The following TYMS variants were observed in gnomAD, a reference collection of about 807,000 sequenced individuals.
TYMS encodes the protein thymidylate synthetase.
A neutral mutation model predicts 39.3 loss-of-function variants in TYMS; 21 were observed. The ratio of observed to expected loss-of-function variants is 0.54; its 90% CI spans 0.38 to 0.77. The LOEUF is 0.77. Ranked by LOEUF, TYMS falls within the 30% of genes least tolerant of loss-of-function variation. The pLI is 0.00. For missense variants in TYMS, 273 were observed against 406.7 expected, an observed-to-expected ratio of 0.67 and a Z score of 2.83; for synonymous variants, 171 against 162.2, an observed-to-expected ratio of 1.05 and a Z score of -0.41.
intron 4 of TYMS, 82 bp from the exon 5 acceptor site, chr18:670,610 G>T: frequency 2.0e-6 from 3 of 1,505,572 alleles, no homozygotes; most frequent in Non-Finnish European, 2.7e-6. Context: ...GTTGGCTTCT[G>T]TTTCTCTCCT....
intron 3 of TYMS, among the ~76,000 whole-genome samples, chr18:667,221 TGATGGTGATGGA>T (rs1567990192): frequency 1.9e-4 from 7 of 37,056 alleles, no homozygotes; most frequent in Non-Finnish European, 3.1e-4. Flanking sequence ...ATGGAGATGG[TGATGGTGATGGA>T]GATGGAGATG....
At chr18:670,155 A>G (rs1028651129) in intron 4 of TYMS, among the ~76,000 whole-genome samples, 4 of 149,698 alleles carry the variant, frequency 2.7e-5, no homozygotes, top group African/African-American at 9.9e-5. Flanking sequence ...GTGAGTTCCC[A>G]TTCCTCAGCC....
At chr18:670,042 C>CTTT (rs1357951783) in intron 4 of TYMS, among the ~76,000 whole-genome samples, 1 of 128,582 alleles carries the variant, frequency 7.8e-6, no homozygotes. Flanking sequence ...GTAATAGAGA[C>CTTT]TTATTTTTTT....
In TYMS at chr18:669,366, ATTTTTTTTTT is replaced by A. The variant is rs68090938; in HGVS notation, c.556+208_556+217del. 746 of 192,190 alleles carry A rather than the reference ATTTTTTTTTT, an allele frequency of 3.9e-3. No homozygotes were observed. The East Asian group carries it at 0.041, about 10-fold the overall frequency. The allele number at this position is 192,190 out of a possible 1,614,324, so 11.9% of individuals were successfully genotyped here. On this transcript the variant is annotated intron_variant, in intron 4 of 6. Coordinates refer to ENST00000323274, the MANE Select transcript of TYMS (RefSeq NM_001071.4). ...CAGATCATGAGGTTGGGCCCAGAGG[ATTTTTTTTTT>A]TTTTTTTTTTTTTTGAGACAGAGTT...
chr18:658,168 A>G lies in TYMS; in HGVS notation c.205+221A>G, dbSNP rs1298621966. ...AACACACACAGCAGCGACAGCCGGG[A>G]GGTAAGCCGCGTCCCAGCGGCTCCG... On this transcript the variant is annotated intron_variant, in intron 1 of 6. Coordinates refer to ENST00000323274, the MANE Select transcript of TYMS (RefSeq NM_001071.4). The surrounding 1 kb of genome is among the most constrained non-coding windows in gnomAD (Gnocchi z 4.5). 2.5e-5 allele frequency: 39 copies of G among 1,569,686 alleles called. No homozygotes were observed. Among genetic ancestry groups the G allele is most frequent in the Non-Finnish European group, 3.2e-5 (37 of 1,159,032 alleles).
At chr18:669,366 A>ATTTTTTTT (rs68090938) in intron 4 of TYMS, 193 bp downstream of exon 4, 18 of 192,258 alleles carry the variant, frequency 9.4e-5, no homozygotes, top group South Asian at 2.7e-4. Flanking sequence ...GGCCCAGAGG[A>ATTTTTTTT]TTTTTTTTTT....
Position 662,316 on chromosome 18 carries a change from A to T in TYMS, c.450A>T (p.Glu150Asp), listed in dbSNP as rs376793375. ...TTGGGGCAGAATACAGAGATATGGA[A>T]TCAGGTGAGGAGATAGAACAATGCC... ...RHFGAEYRDM[E>D]SDYSGQGVDQ... Residue 150 changes from glutamate (E) to aspartate (D), a missense_variant, in exon 3 of 7, where the codon GAA becomes GAT. Physicochemically the swap from Glu to Asp is conservative, Grantham distance 45. Coordinates refer to ENST00000323274, the MANE Select transcript of TYMS (RefSeq NM_001071.4). The T allele has an allele frequency of 9.4e-5, 152 of 1,609,448 alleles. No homozygotes were observed. The highest frequency in any genetic ancestry group is 1.3e-4 in the Non-Finnish European group (148 of 1,178,638).
intron 5 of TYMS, 138 bp downstream of exon 5, chr18:671,005 C>T: frequency 9.4e-7 from 1 of 1,065,368 alleles, no homozygotes; most frequent in Admixed American, 2.8e-5. Flanking sequence ...AATGAACCAG[C>T]TTTTACTTTG....
chr18:660,220 T>G lies in TYMS; in HGVS notation c.279+506T>G, dbSNP rs774725328. On this transcript the variant is annotated intron_variant, in intron 2 of 6. Transcript: ENST00000323274. The surrounding 1 kb of genome is among the most constrained non-coding windows in gnomAD (Gnocchi z 4.6). ...CTGCTGCTCTCTGCACCAGCCCTGC[T>G]GTTCTTGTGAGTTTTTGAGCACACC... is the stretch of plus-strand genomic sequence containing the variant. Among the ~76,000 whole-genome samples the G allele has an allele frequency of 2.6e-5, 4 of 152,220 alleles. No individual in the cohort carries two copies. The highest frequency in any genetic ancestry group is 4.4e-5 in the Non-Finnish European group (3 of 68,046).
Position 657,891 on chromosome 18 carries a change from G to T in TYMS, c.149G>T (p.Arg50Leu), listed in dbSNP as rs774517504. 6 of 1,511,368 alleles carry T rather than the reference G, an allele frequency of 4.0e-6. No individual in the cohort carries two copies. The highest frequency in any genetic ancestry group is 5.3e-6 in the Non-Finnish European group (6 of 1,135,922). 93.6% of individuals were successfully genotyped at this position (1,511,368 alleles called of 1,614,324 possible). A position where few individuals can be genotyped will look rare whatever the true frequency, so the allele number is the denominator to read the frequency against. The change falls in exon 1 of 7, where the codon CGC (arginine) becomes CTC (leucine). Residue 50 changes from arginine (R) to leucine (L), a missense_variant. Physicochemically the swap from Arg to Leu is moderately radical, Grantham distance 102. This residue lies in a region of TYMS where 228 missense variants were observed against 326.1 expected (regional missense o/e 0.70). Coordinates refer to ENST00000323274, the MANE Select transcript of TYMS (RefSeq NM_001071.4). The stretch of plus-strand genomic sequence containing the variant: ...CGCTGCGGCGTCAGGAAGGACGACC[G>T]CACGGGCACCGGCACCCTGTCGGTA... ...ILRCGVRKDD[R>L]TGTGTLSVFG... is the part of the protein sequence containing the mutation.
chr18:668,011 T>A (rs1386120956), intron 3 of TYMS, among the ~76,000 whole-genome samples: 1 of 149,796 alleles, frequency 6.7e-6, no homozygotes, highest in Non-Finnish European at 1.5e-5. Flanking sequence ...TTTTTTTTTT[T>A]AATGCACAGA....
chr18:669,437 A>G (rs1271719574), intron 4 of TYMS: 2 of 306,028 alleles, frequency 6.5e-6, no homozygotes, highest in South Asian at 4.4e-5. Flanking sequence ...CAACGGCGTG[A>G]TCTTGGCTCA....
In TYMS at chr18:658,150, A is replaced by C; in HGVS notation, c.205+203A>C. 1.3e-6 allele frequency: 2 copies of C among 1,571,060 alleles called. No individual in the cohort carries two copies. Among genetic ancestry groups the C allele is most frequent in the Non-Finnish European group, 8.6e-7 (1 of 1,160,334 alleles). ...GACGTGACTGGCGCGGGCAACACAC[A>C]CAGCAGCGACAGCCGGGAGGTAAGC... is the stretch of plus-strand genomic sequence containing the variant. On this transcript the variant is annotated intron_variant, in intron 1 of 6. Transcript: ENST00000323274. This position sits in a 1 kb window ranked among gnomAD's most constrained non-coding sequence, Gnocchi z 4.5.
intron 3 of TYMS, 98 bp from the exon 4 acceptor site, chr18:668,974 A>G: frequency 1.0e-6 from 1 of 964,936 alleles, no homozygotes; most frequent in South Asian, 1.7e-5. Flanking sequence ...TCAAGGGGGG[A>G]CCCTGGGTAA....
intron 2 of TYMS, among the ~76,000 whole-genome samples, chr18:661,086 A>G (rs1224945088): frequency 2.6e-5 from 4 of 152,236 alleles, no homozygotes; most frequent in Non-Finnish European, 5.9e-5. Context: ...AATGGATGAA[A>G]AGGAGAGACT....
chr18:667,234 G>A (rs2074859078), intron 3 of TYMS, among the ~76,000 whole-genome samples: 1 of 34,810 alleles, frequency 2.9e-5, no homozygotes, highest in Non-Finnish European at 5.0e-5. Flanking sequence ...TGGTGATGGA[G>A]ATGGAGATGG....
intron 3 of TYMS, among the ~76,000 whole-genome samples, chr18:666,891 A>T (rs994254060): frequency 3.4e-4 from 21 of 62,188 alleles, no homozygotes; most frequent in Non-Finnish European, 5.7e-4. Flanking sequence ...AAAGTTCGGG[A>T]GATGGTGATG....
intron 3 of TYMS, 48 bp downstream of exon 3, chr18:662,368 C>T: frequency 1.3e-6 from 2 of 1,530,510 alleles, no homozygotes; most frequent in Non-Finnish European, 1.8e-6. Flanking sequence ...CCCTTCCTAG[C>T]ATGTGTTTGC....
At chr18:672,778 G>A in intron 6 of TYMS, 82 bp from the exon 7 acceptor site, 2 of 1,433,586 alleles carry the variant, frequency 1.4e-6, no homozygotes, top group Non-Finnish European at 1.9e-6. Flanking sequence ...ATCACATCCT[G>A]TGTACTTGTT....
Sources: allele counts gnomAD v4.1 joint callset (sites outside exome capture counted in the v4.1 genomes callset), GRCh38; gene constraint gnomAD v4.1.1; regional missense constraint gnomAD v4.1.1; non-coding constraint Gnocchi (gnomAD v3.1); transcripts MANE v1.5; gene names NCBI Gene and HGNC (gene_info 2026-07-23, HGNC 2026-07-21).